SOD2: variants seen among roughly 807,000 people sequenced by gnomAD.
The protein encoded by SOD2 is superoxide dismutase [Mn], mitochondrial.
Under a neutral mutation model 27.0 loss-of-function variants are expected in SOD2, and 11 were observed. That is an observed-to-expected ratio of 0.41 (90% CI 0.26 to 0.67). The LOEUF (loss-of-function observed/expected upper bound fraction) is 0.67, where lower values mean the gene tolerates loss of function less well. Among genes scored for constraint, SOD2 ranks in the 30% least tolerant of loss-of-function variants. The pLI, the probability that SOD2 is intolerant of heterozygous loss-of-function variation, is 0.34. For missense variants in SOD2, 250 were observed against 274.5 expected, an observed-to-expected ratio of 0.91 and a Z score of 0.63; for synonymous variants, 105 against 103.0, an observed-to-expected ratio of 1.02 and a Z score of -0.12.
rs1041361421 is a variant in SOD2, at chr6:159,738,929, CATT to C, written c.-116+6198_-116+6200del. 4.3e-5 allele frequency: 55 copies of C among 1,266,322 alleles called. No individual in the cohort carries two copies. The African/African-American group carries it at 6.2e-4, about 14-fold the overall frequency. The allele number at this position is 1,266,322 out of a possible 1,614,324, so 78.4% of individuals were successfully genotyped here. The stretch of plus-strand genomic sequence containing the variant: ...CACTTGGGAGATGTTTCATAGGTCT[CATT>C]ATAGAACTTTGTGTCTTCAGGAAGA... On this transcript the variant is annotated intron_variant, in intron 1 of 3. Coordinates refer to the SOD2 transcript ENST00000537657.
intron 1 of SOD2, chr6:159,713,116 C>G: frequency 2.2e-6 from 2 of 916,422 alleles, no homozygotes; most frequent in South Asian, 4.0e-5. Flanking sequence ...AAGGTAAACC[C>G]CTCGTGTGTA....
At chr6:159,687,975 T>C in intron 3 of SOD2, 151 bp downstream of exon 3, 3 of 590,696 alleles carry the variant, frequency 5.1e-6, no homozygotes, top group Non-Finnish European at 9.1e-6. Flanking sequence ...TGCGCCACTG[T>C]ACTCCAGCCT....
intron 1 of SOD2, among the ~76,000 whole-genome samples, chr6:159,701,987 A>G (rs1320142396): frequency 6.6e-6 from 1 of 152,248 alleles, no homozygotes; most frequent in Non-Finnish European, 1.5e-5. Flanking sequence ...GAACAAGAAC[A>G]AAATCTCCCT....
chr6:159,713,612 G>T, intron 1 of SOD2: 1 of 994,846 alleles, frequency 1.0e-6, no homozygotes, highest in East Asian at 2.4e-5. Flanking sequence ...GAAAAGAAAT[G>T]AACAATCTCT....
intron 1 of SOD2, among the ~76,000 whole-genome samples, chr6:159,707,260 A>G (rs1296420592): frequency 6.6e-6 from 1 of 152,192 alleles, no homozygotes; most frequent in Non-Finnish European, 1.5e-5. Context: ...GCAAGAAATA[A>G]CTAAGATCAG....
At chr6:159,696,540 G>A (rs372728629), upstream of SOD2, among the ~76,000 whole-genome samples, 22 of 151,606 alleles carry the variant, frequency 1.5e-4, no homozygotes, top group African/African-American at 5.1e-4. Context: ...GGCTGGTCTC[G>A]AACTCCTAGA....
chr6:159,762,137 T>C, exon 1 of SOD2: 1 of 1,611,676 alleles, frequency 6.2e-7, no homozygotes, highest in African/African-American at 1.3e-5. Context: ...GCGCGGACCA[T>C]CATAGGTGAG....
At chr6:159,712,686 C>CCACTCACAAT (rs1777847396) in intron 1 of SOD2, 1 of 358,490 alleles carries the variant, frequency 2.8e-6, no homozygotes, top group African/African-American at 2.2e-5. Context: ...TCCATAACCA[C>CCACTCACAAT]GACTCAGCTG....
chr6:159,761,403 A>C (rs1780120725), exon 1 of SOD2: 1 of 385,236 alleles, frequency 2.6e-6, no homozygotes, highest in South Asian at 1.9e-5. Context: ...TGTGACGCTA[A>C]GACGCTCCCG....
At chr6:159,710,739 A>T (rs114284743) in intron 1 of SOD2, among the ~76,000 whole-genome samples, 1,611 of 145,228 alleles carry the variant, frequency 0.011, 27 homozygotes, top group African/African-American at 0.037. Context: ...TGCTCTGACC[A>T]CCATAACCAC....
intron 1 of SOD2, among the ~76,000 whole-genome samples, chr6:159,733,922 A>T (rs918011022): frequency 1.3e-5 from 2 of 152,236 alleles, no homozygotes; most frequent in African/African-American, 4.8e-5. Context: ...ATCTCCAAAA[A>T]AAAAGATTAA....
chr6:159,735,352 A>G (rs530599420), intron 1 of SOD2, among the ~76,000 whole-genome samples: 81 of 152,246 alleles, frequency 5.3e-4, no homozygotes, highest in South Asian at 3.5e-3. Context: ...TGTTGGCCAG[A>G]CTTGTCTTGA....
chr6:159,755,834 C>A (rs1196306258), intron 1 of SOD2: 1 of 659,464 alleles, frequency 1.5e-6, no homozygotes, highest in Non-Finnish European at 2.0e-6. Context: ...CAGTTAATTA[C>A]TTTGAATGTT....
At chr6:159,720,645 A>AT (rs1562442459) in intron 1 of SOD2, 1 of 152,182 alleles carries the variant, frequency 6.6e-6, no homozygotes. Flanking sequence ...CAGCTGCTCA[A>AT]TAACTATTTA....
At position 159,672,355 on chromosome 6, in the gene SOD2, A is replaced by T. The variant is rs1779684576; in HGVS notation, c.*10138T>A. Reference sequence around the variant, plus strand: ...GGCAGCCAGAGAGAAAGGTCGGGTTACCCACAAAGGGAAGCCCATCAGACT... The same window carrying T: ...GGCAGCCAGAGAGAAAGGTCGGGTTTCCCACAAAGGGAAGCCCATCAGACT... On this transcript the variant is annotated 3_prime_UTR_variant, in exon 5 of 5. Transcript: ENST00000538183. 6.6e-6 allele frequency: 1 copy of T among 152,202 alleles called. No homozygotes were observed. Among genetic ancestry groups the T allele is most frequent in the Non-Finnish European group, 1.5e-5 (1 of 68,040 alleles). The allele number at this position is 152,202 out of a possible 1,614,324, so 9.4% of individuals were successfully genotyped here. A position where few individuals can be genotyped will look rare whatever the true frequency, so the allele number is the denominator to read the frequency against.
At chr6:159,748,449 C>T (rs1434871009), upstream of SOD2, 62 of 1,559,912 alleles carry the variant, frequency 4.0e-5, no homozygotes, top group Non-Finnish European at 4.8e-5. The surrounding 1 kb of genome is among the most constrained non-coding windows in gnomAD (Gnocchi z 5.6). Flanking sequence ...GCCAAGTACT[C>T]GTTTCCACAC....
intron 1 of SOD2, chr6:159,756,185 T>A (rs1219818308): frequency 6.5e-6 from 1 of 153,096 alleles, no homozygotes; most frequent in Non-Finnish European, 1.5e-5. Context: ...AGGTGACTGT[T>A]TAAGAAATTT....
intron 1 of SOD2, among the ~76,000 whole-genome samples, chr6:159,699,594 T>C (rs569547838): frequency 6.6e-6 from 1 of 152,020 alleles, no homozygotes; most frequent in Non-Finnish European, 1.5e-5. Context: ...CTGCATTCTA[T>C]GTAAGGGTGG....
intron 1 of SOD2, among the ~76,000 whole-genome samples, chr6:159,737,560 C>A (rs1424587922): frequency 6.6e-6 from 1 of 152,138 alleles, no homozygotes; most frequent in Non-Finnish European, 1.5e-5. Flanking sequence ...GTGGTACAAT[C>A]TTGGCTCATT....
Sources: gnomAD v4.1 joint callset for allele counts (sites outside exome capture counted in the v4.1 genomes callset) on GRCh38, gnomAD v4.1.1 for gene constraint, Gnocchi (gnomAD v3.1) non-coding constraint, MANE v1.5 for transcripts, NCBI Gene and HGNC (gene_info 2026-07-23, HGNC 2026-07-21) for gene names.